The following POLI variants were observed in gnomAD, a reference collection of about 807,000 sequenced individuals.
POLI encodes the protein DNA polymerase iota.
A neutral mutation model predicts 51.6 loss-of-function variants in POLI; 58 were observed. The observed-to-expected ratio is 1.12, with a 90% CI of 0.91 to 1.40. The LOEUF is 1.40. POLI is among the 40% of genes most tolerant of loss of function. The pLI, the probability that POLI is intolerant of heterozygous loss-of-function variation, is 0.00. For missense variants in POLI, 921 were observed against 871.3 expected, an observed-to-expected ratio of 1.06 and a Z score of -0.72; for synonymous variants, 322 against 299.7, an observed-to-expected ratio of 1.07 and a Z score of -0.77.
downstream of POLI, among the ~76,000 whole-genome samples, chr18:54,300,992 A>G (rs1342636604): frequency 6.6e-6 from 1 of 152,146 alleles, no homozygotes; most frequent in African/African-American, 2.4e-5. Flanking sequence ...TAGTTAAGAG[A>G]TTTGAGGCTG....
intron 4 of POLI, among the ~76,000 whole-genome samples, chr18:54,279,737 T>C (rs2087413836): frequency 6.6e-6 from 1 of 152,250 alleles, no homozygotes; most frequent in East Asian, 1.9e-4. Flanking sequence ...ATTCCAACAC[T>C]GTTTTACACC....
intron 4 of POLI, among the ~76,000 whole-genome samples, chr18:54,320,841 T>A (rs2088780390): frequency 6.6e-6 from 1 of 152,050 alleles, no homozygotes; most frequent in Admixed American, 6.6e-5. Flanking sequence ...TTGAGATAAT[T>A]GTAGATTTGC....
At chr18:54,271,298 G>C in intron 1 of POLI, 62 bp from the exon 2 acceptor site, 1 of 1,447,948 alleles carries the variant, frequency 6.9e-7, no homozygotes, top group African/African-American at 1.4e-5. Context: ...TTAAGGAACT[G>C]TCAGTTGCTC....
intron 3 of POLI, among the ~76,000 whole-genome samples, chr18:54,314,839 A>G (rs1162173993): frequency 6.8e-6 from 1 of 147,604 alleles, no homozygotes. Flanking sequence ...GATTGTGTTT[A>G]TTTGGATCTT....
chr18:54,277,736 G>A lies in POLI; in HGVS notation c.440G>A (p.Arg147Lys). The A allele has an allele frequency of 6.2e-7, 1 of 1,606,934 alleles. No individual in the cohort carries two copies. The highest frequency in any genetic ancestry group is 8.5e-7 in the Non-Finnish European group (1 of 1,174,482). The change falls in exon 4 of 10, where the codon AGA becomes AAA. Residue 147 changes from arginine (R) to lysine (K), a missense_variant. Transcript: ENST00000579534. ...GAAGAATTTAGTCCAGTTGTTGAGA[G>A]ACTTGGATTTGATGAAAATTTTGTG... is the stretch of plus-strand genomic sequence containing the variant. ...LLEEFSPVVE[R>K]LGFDENFVDL...
At chr18:54,290,550 T>C (rs2087959509) in intron 8 of POLI, among the ~76,000 whole-genome samples, 3 of 152,158 alleles carry the variant, frequency 2.0e-5, no homozygotes, top group Non-Finnish European at 4.4e-5. Flanking sequence ...TGTGGCACTA[T>C]TCACAATAGC....
At chr18:54,277,946 C>A in intron 4 of POLI, 91 bp downstream of exon 4, 3 of 992,920 alleles carry the variant, frequency 3.0e-6, no homozygotes, top group South Asian at 1.8e-5. Flanking sequence ...CTGAAAGATT[C>A]ATGACTTTTG....
downstream of POLI, among the ~76,000 whole-genome samples, chr18:54,301,613 A>C (rs952007361): frequency 6.6e-6 from 1 of 152,172 alleles, no homozygotes; most frequent in African/African-American, 2.4e-5. Context: ...TCAATACTCA[A>C]CTGAGGACTT....
chr18:54,299,243 T>C (rs996266270), downstream of POLI, among the ~76,000 whole-genome samples: 9 of 152,138 alleles, frequency 5.9e-5, no homozygotes, highest in African/African-American at 2.2e-4. Context: ...GAGACCAACC[T>C]GGGCAACATG....
chr18:54,296,047 G>T lies in POLI; in HGVS notation c.*1580G>T. The T allele has an allele frequency of 1.0e-6, 1 of 985,000 alleles. No homozygotes were observed. The highest frequency in any genetic ancestry group is 1.2e-6 in the Non-Finnish European group (1 of 829,552). 61.0% of individuals were successfully genotyped at this position (985,000 alleles called of 1,614,324 possible). A position where few individuals can be genotyped will look rare whatever the true frequency, so the allele number is the denominator to read the frequency against. Reference sequence around the variant, plus strand: ...ACAGTAACTTGAAGCAAGAACATCAGAAATTGTTCACCATGCAAATATTTA... The same window carrying T: ...ACAGTAACTTGAAGCAAGAACATCATAAATTGTTCACCATGCAAATATTTA... On this transcript the variant is annotated 3_prime_UTR_variant, in exon 10 of 10. Transcript: ENST00000579534.
chr18:54,306,716 G>A (rs1434648918), intron 3 of POLI, among the ~76,000 whole-genome samples: 1 of 151,970 alleles, frequency 6.6e-6, no homozygotes, highest in Non-Finnish European at 1.5e-5. Context: ...GACTTTTTTT[G>A]GTTGGTAGGC....
Position 54,291,830 on chromosome 18 carries a change from T to G in POLI, c.1199-3T>G. On this transcript the variant is annotated splice_polypyrimidine_tract_variant and splice_region_variant and intron_variant, in intron 8 of 9. Coordinates refer to ENST00000579534, the MANE Select transcript of POLI (RefSeq NM_007195.3). The stretch of plus-strand genomic sequence containing the variant: ...AATGTTTATTCTTAAACATTTTATT[T>G]AGGAAATTATGATGTGATGACCCCA... 7.1e-7 allele frequency: 1 copy of G among 1,405,376 alleles called. No individual in the cohort carries two copies. The allele number at this position is 1,405,376 out of a possible 1,614,324, so 87.1% of individuals were successfully genotyped here. A position where few individuals can be genotyped will look rare whatever the true frequency, so the allele number is the denominator to read the frequency against.
rs376396991 is a variant in POLI at position 54,269,639 on chromosome 18, G to T, written c.93G>T (p.Val31=). 1.7e-3 allele frequency: 2,531 copies of T among 1,509,104 alleles called. 45 individuals carry two copies. In the South Asian group the frequency reaches 0.026, roughly 15 times the overall value. The allele number at this position is 1,509,104 out of a possible 1,614,324, so 93.5% of individuals were successfully genotyped here. The change falls in exon 1 of 10, where the codon GTG becomes GTT. Residue 31 remains valine (V), a synonymous_variant. Transcript: ENST00000579534. ...AEAWAMELAD[V]GAAASSQGVH... ...CCTGGGCCATGGAACTGGCGGACGTGGGGGCGGCAGCCAGCTCGCAGGGTG... is the reference window on the plus strand; with the variant it reads ...CCTGGGCCATGGAACTGGCGGACGTTGGGGCGGCAGCCAGCTCGCAGGGTG...
At position 54,283,957 on chromosome 18, in the gene POLI, A is replaced by T. The variant is rs779065869; in HGVS notation, c.1011A>T (p.Ser337=). 1 of 1,463,080 alleles carries T rather than the reference A, an allele frequency of 6.8e-7. No homozygotes were observed. The highest frequency in any genetic ancestry group is 1.8e-5 in the Admixed American group (1 of 55,456). The allele number at this position is 1,463,080 out of a possible 1,614,324, so 90.6% of individuals were successfully genotyped here. A position where few individuals can be genotyped will look rare whatever the true frequency, so the allele number is the denominator to read the frequency against. ...AAGAAGATTCATTTAAAAAATGTTCATCTGAAGTTGAAGCTAAAAATAAGA... is the reference window on the plus strand; with the variant it reads ...AAGAAGATTCATTTAAAAAATGTTCTTCTGAAGTTGAAGCTAAAAATAAGA... ...FSEEDSFKKC[S]SEVEAKNKIE... is the part of the protein sequence containing the mutation. The change falls in exon 7 of 10, where the codon TCA becomes TCT. Residue 337 remains serine, a synonymous_variant. Coordinates refer to ENST00000579534, the MANE Select transcript of POLI (RefSeq NM_007195.3).
At chr18:54,287,224 A>G (rs2087787488) in intron 7 of POLI, 57 bp from the exon 8 acceptor site, 2 of 1,266,718 alleles carry the variant, frequency 1.6e-6, no homozygotes, top group Non-Finnish European at 2.2e-6. Context: ...GATGTTACAT[A>G]ATTTAAAAAG....
chr18:54,296,157 T>TG lies in POLI; in HGVS notation c.*1691dup. On this transcript the variant is annotated 3_prime_UTR_variant, in exon 10 of 10. Transcript: ENST00000579534. ...CTTATGAAAAGGGTATATAACTTTT[T>TG]GTAAATCATTAAAACATTTTATAGT... is the stretch of plus-strand genomic sequence containing the variant. 1.0e-6 allele frequency: 1 copy of TG among 984,060 alleles called. No homozygotes were observed. The highest frequency in any genetic ancestry group is 1.2e-6 in the Non-Finnish European group (1 of 828,662). 61.0% of individuals were successfully genotyped at this position (984,060 alleles called of 1,614,324 possible).
At chr18:54,319,317 C>T (rs1455970694) in intron 3 of POLI, among the ~76,000 whole-genome samples, 4 of 152,140 alleles carry the variant, frequency 2.6e-5, no homozygotes, top group African/African-American at 9.7e-5. Flanking sequence ...TTGCACTCCC[C>T]TCTATGGAAA....
intron 3 of POLI, among the ~76,000 whole-genome samples, chr18:54,317,978 C>T (rs1599287731): frequency 6.6e-6 from 1 of 152,062 alleles, no homozygotes; most frequent in East Asian, 1.9e-4. Flanking sequence ...AACTTAAAAC[C>T]TATTCTAAGA....
intron 1 of POLI, chr18:54,270,003 T>G: frequency 9.6e-7 from 1 of 1,046,008 alleles, no homozygotes; most frequent in Non-Finnish European, 1.1e-6. Context: ...TTTGGAGAAG[T>G]TGAGGACCTT....
Sources: gnomAD v4.1 joint callset for allele counts (sites outside exome capture counted in the v4.1 genomes callset) on GRCh38, gnomAD v4.1.1 for gene constraint, MANE v1.5 for transcripts, NCBI Gene and HGNC (gene_info 2026-07-23, HGNC 2026-07-21) for gene names.